Variants in DIAPH2 observed in about 807,000 individuals in gnomAD.
DIAPH2 encodes the protein diaphanous related formin 2.
DIAPH2 carries 35 observed loss-of-function variants against 92.7 expected under a neutral mutation model. That is an observed-to-expected ratio of 0.38 (90% CI 0.29 to 0.50). DIAPH2 has a LOEUF of 0.50. Ranked by LOEUF, DIAPH2 falls within the 20% of genes least tolerant of loss-of-function variation. The pLI, the probability that DIAPH2 is intolerant of heterozygous loss-of-function variation, is 0.94. For missense variants in DIAPH2, 701 were observed against 819.5 expected (o/e 0.86, Z 1.77); for synonymous variants, 301 against 280.4 (o/e 1.07, Z -0.73).
At chrX:97,355,178 C>T (rs1333519894) in intron 24 of DIAPH2, among the ~76,000 whole-genome samples, 1 of 111,767 alleles carries the variant, frequency 8.9e-6, no homozygotes, top group Non-Finnish European at 1.9e-5. Flanking sequence ...AGGCCTCAGT[C>T]ATGTCTAAAT....
intron 1 of DIAPH2, among the ~76,000 whole-genome samples, chrX:96,687,449 T>A (rs2063777042): frequency 9.0e-6 from 1 of 110,717 alleles, no homozygotes; most frequent in Non-Finnish European, 1.9e-5. Flanking sequence ...CTTTTCTTTT[T>A]TTTTTTTTGG....
intron 4 of DIAPH2, among the ~76,000 whole-genome samples, chrX:96,852,769 T>C (rs1196843223): frequency 1.8e-5 from 2 of 112,077 alleles, no homozygotes; most frequent in Admixed American, 1.9e-4. Flanking sequence ...AAATTTCTGA[T>C]ATAGCTTGTA....
At chrX:97,117,469 C>T (rs1037155735) in intron 21 of DIAPH2, among the ~76,000 whole-genome samples, 4 of 111,741 alleles carry the variant, frequency 3.6e-5, no homozygotes, top group African/African-American at 1.3e-4. Flanking sequence ...GGGAATTTCC[C>T]TCATAGAACA....
chrX:97,400,371 G>A (rs754968789), intron 25 of DIAPH2, among the ~76,000 whole-genome samples: 6 of 111,181 alleles, frequency 5.4e-5, no homozygotes, highest in Non-Finnish European at 9.4e-5. Flanking sequence ...AAAGATATAC[G>A]GCATCTTTTT....
chrX:96,946,053 C>G (rs1171375612), intron 14 of DIAPH2, among the ~76,000 whole-genome samples: 3 of 111,611 alleles, frequency 2.7e-5, no homozygotes, highest in Middle Eastern at 4.2e-3. Context: ...CTCTCTTTCT[C>G]TCTGTTTAGA....
intron 26 of DIAPH2, among the ~76,000 whole-genome samples, chrX:97,502,753 T>C (rs954548461): frequency 1.8e-5 from 2 of 112,883 alleles, no homozygotes; most frequent in Non-Finnish European, 3.7e-5. Flanking sequence ...TTATTATTTC[T>C]GTAGCTATCT....
At chrX:96,690,038 A>G (rs1007321554) in intron 1 of DIAPH2, among the ~76,000 whole-genome samples, 1 of 108,855 alleles carries the variant, frequency 9.2e-6, no homozygotes, top group Non-Finnish European at 1.9e-5. Context: ...CTATCCATAC[A>G]TTCCTCTTTG....
chrX:97,452,088 A>G (rs1464297679), intron 26 of DIAPH2, among the ~76,000 whole-genome samples: 2 of 111,381 alleles, frequency 1.8e-5, no homozygotes, highest in Non-Finnish European at 3.8e-5. Flanking sequence ...TATAACACCA[A>G]TATTTTGCTT....
intron 23 of DIAPH2, among the ~76,000 whole-genome samples, chrX:97,294,661 A>T (rs762614932): frequency 8.9e-6 from 1 of 111,984 alleles, no homozygotes; most frequent in South Asian, 3.7e-4. Flanking sequence ...ACTCTATTGA[A>T]CTTTGAAGCT....
chrX:96,795,507 T>C (rs2064532180), intron 4 of DIAPH2, among the ~76,000 whole-genome samples: 1 of 111,823 alleles, frequency 8.9e-6, no homozygotes, highest in Non-Finnish European at 1.9e-5. Context: ...TTAAAAACTA[T>C]TTTCTGTCTA....
In DIAPH2 at chrX:96,916,438, T is replaced by TTTA; in HGVS notation, c.735_736insATT (p.Phe245_Gly246insIle). 1 of 1,115,018 alleles carries TTTA rather than the reference T, an allele frequency of 9.0e-7. No individual in the cohort carries two copies. Among genetic ancestry groups the TTTA allele is most frequent in the Non-Finnish European group, 1.2e-6 (1 of 847,473 alleles). 91.9% of individuals were successfully genotyped at this position (1,115,018 alleles called of 1,213,427 possible). A position where few individuals can be genotyped will look rare whatever the true frequency, so the allele number is the denominator to read the frequency against. ...GAAGGTTTTTTTTTTTTTTTTTTAG[T>TTTA]TTGGATTACAAAGGATTCTAGGAGA... On this transcript the variant is annotated inframe_insertion and splice_region_variant, in exon 8 of 27. Transcript: ENST00000324765.
Position 97,032,765 on chromosome X carries a change from G to A in DIAPH2, c.2051-40176G>A, listed in dbSNP as rs776415631. 1.4e-3 allele frequency among the ~76,000 whole-genome samples: 155 copies of A among 111,635 alleles called. 1 individual carries two copies. The highest frequency in any genetic ancestry group is 4.6e-3 in the African/African-American group (142 of 30,813). On this transcript the variant is annotated intron_variant, in intron 17 of 26. Coordinates refer to ENST00000324765, the MANE Select transcript of DIAPH2 (RefSeq NM_006729.5). Reference sequence around the variant, plus strand: ...AGTTTCCTGGAATATTTTTAAGAGAGTATATTATGAAAACTTAATTTTATT... The same window carrying A: ...AGTTTCCTGGAATATTTTTAAGAGAATATATTATGAAAACTTAATTTTATT...
At chrX:97,182,283 G>A (rs1410217486) in intron 22 of DIAPH2, among the ~76,000 whole-genome samples, 3 of 112,003 alleles carry the variant, frequency 2.7e-5, no homozygotes, top group Non-Finnish European at 5.6e-5. Context: ...GGAGCAATAA[G>A]TAGTCCATCT....
intron 22 of DIAPH2, among the ~76,000 whole-genome samples, chrX:97,185,479 A>ATGTGTGTG (rs2067592039): frequency 3.4e-4 from 1 of 2,960 alleles, no homozygotes; most frequent in Admixed American, 7.9e-3. Context: ...ATACACATAT[A>ATGTGTGTG]TATATATATA....
At chrX:97,451,710 A>G (rs1331793240) in intron 26 of DIAPH2, among the ~76,000 whole-genome samples, 2 of 111,378 alleles carry the variant, frequency 1.8e-5, no homozygotes, top group Non-Finnish European at 3.8e-5. Context: ...TGCCTGTTAG[A>G]CACTATCAAT....
chrX:97,319,199 C>T (rs913436732), intron 23 of DIAPH2, among the ~76,000 whole-genome samples: 3 of 112,138 alleles, frequency 2.7e-5, no homozygotes, highest in Non-Finnish European at 3.8e-5. Context: ...TTCCATTTAT[C>T]GCTGATGCTC....
chrX:97,109,721 T>G (rs762291788), intron 20 of DIAPH2, among the ~76,000 whole-genome samples: 3 of 111,902 alleles, frequency 2.7e-5, no homozygotes, highest in South Asian at 7.6e-4. Context: ...CTGTTATACC[T>G]CTTGAAACTA....
At chrX:97,546,849 T>C (rs2071185325) in intron 26 of DIAPH2, among the ~76,000 whole-genome samples, 1 of 109,247 alleles carries the variant, frequency 9.2e-6, no homozygotes, top group African/African-American at 3.3e-5. Context: ...AAAAAAAAAG[T>C]TACAATCATG....
In DIAPH2 at chrX:96,939,402, G is replaced by C; in HGVS notation, c.1325+20G>C. ...TATCAGGTAAGAGGCAGTTCTGAGAGTACTATATTTATAATTTGAATCGGA... is the reference window on the plus strand; with the variant it reads ...TATCAGGTAAGAGGCAGTTCTGAGACTACTATATTTATAATTTGAATCGGA... On this transcript the variant is annotated intron_variant, in intron 12 of 26. Transcript: ENST00000324765. 3 of 703,602 alleles carry C rather than the reference G, an allele frequency of 4.3e-6. No homozygotes were observed. Among genetic ancestry groups the C allele is most frequent in the Non-Finnish European group, 6.5e-6 (3 of 464,351 alleles). 58.0% of individuals were successfully genotyped at this position (703,602 alleles called of 1,213,427 possible). A position where few individuals can be genotyped will look rare whatever the true frequency, so the allele number is the denominator to read the frequency against.
Sources: gnomAD v4.1 joint callset for allele counts (sites outside exome capture counted in the v4.1 genomes callset) on GRCh38, gnomAD v4.1.1 for gene constraint, MANE v1.5 for transcripts, NCBI Gene and HGNC (gene_info 2026-07-23, HGNC 2026-07-21) for gene names.